ZCCHC7: variants seen among roughly 807,000 people sequenced by gnomAD.
ZCCHC7 encodes the protein zinc finger CCHC domain-containing protein 7.
Under a neutral mutation model 52.0 loss-of-function variants are expected in ZCCHC7, and 35 were observed. That is an observed-to-expected ratio of 0.67 (90% CI 0.51 to 0.89). ZCCHC7 has a LOEUF of 0.89. Among genes scored for constraint, ZCCHC7 ranks in the 40% least tolerant of loss-of-function variants. The pLI, the probability that ZCCHC7 is intolerant of heterozygous loss-of-function variation, is 0.00. For missense variants in ZCCHC7, 574 were observed against 649.1 expected (o/e 0.88, Z 1.26); for synonymous variants, 217 against 221.5 (o/e 0.98, Z 0.18).
Position 37,126,704 on chromosome 9 carries a change from A to T in ZCCHC7, c.372A>T (p.Gln124His). ...CCCATGGTCTTTCTTCTTCTCTTCA[A>T]TCTAATGAGCTGGTTGATAAGAAAT... The part of the protein sequence containing the change: ...ENAHGLSSSL[Q>H]SNELVDKKCK... Residue 124 changes from glutamine to histidine, a missense_variant, in exon 2 of 9, where the codon CAA becomes CAT. Gln to His is a conservative substitution (Grantham distance 24). Around this residue, in one of 3 missense-constraint regions of ZCCHC7, gnomAD observed 403 missense variants for 461.2 expected, o/e 0.87. Transcript: ENST00000336755. The T allele has an allele frequency of 1.2e-6, 2 of 1,614,144 alleles. No homozygotes were observed. Among genetic ancestry groups the T allele is most frequent in the Non-Finnish European group, 8.5e-7 (1 of 1,180,010 alleles).
intron 2 of ZCCHC7, among the ~76,000 whole-genome samples, chr9:37,275,532 A>G (rs1169010322): frequency 6.6e-6 from 1 of 152,096 alleles, no homozygotes; most frequent in African/African-American, 2.4e-5. Flanking sequence ...TGTTTCTCTT[A>G]ATATGCATGT....
At chr9:37,205,709 G>T (rs972790171) in intron 2 of ZCCHC7, among the ~76,000 whole-genome samples, 1 of 152,092 alleles carries the variant, frequency 6.6e-6, no homozygotes, top group African/African-American at 2.4e-5. Context: ...GTAGAGATGG[G>T]GTTTCACCAT....
intron 2 of ZCCHC7, among the ~76,000 whole-genome samples, chr9:37,228,961 G>A (rs187501649): frequency 8.8e-4 from 132 of 150,738 alleles, no homozygotes; most frequent in Admixed American, 8.1e-3. Flanking sequence ...TCAGCCTCTC[G>A]AGTAGCTGGG....
intron 5 of ZCCHC7, among the ~76,000 whole-genome samples, chr9:37,308,237 G>A (rs1355638309): frequency 1.3e-5 from 2 of 152,082 alleles, no homozygotes; most frequent in Non-Finnish European, 2.9e-5. Flanking sequence ...TCTTAAAAAT[G>A]ATAAATCCTG....
intron 5 of ZCCHC7, among the ~76,000 whole-genome samples, chr9:37,314,872 A>G (rs1435809364): frequency 6.6e-6 from 1 of 152,136 alleles, no homozygotes; most frequent in Non-Finnish European, 1.5e-5. Flanking sequence ...TAACCTCTAA[A>G]ACTATTCAAA....
intron 2 of ZCCHC7, among the ~76,000 whole-genome samples, chr9:37,219,884 G>A (rs1199849956): frequency 6.6e-6 from 1 of 152,056 alleles, no homozygotes; most frequent in African/African-American, 2.4e-5. Context: ...TGAAGACTAG[G>A]CAGAATTTGA....
At chr9:37,242,867 A>G (rs148995262) in intron 2 of ZCCHC7, among the ~76,000 whole-genome samples, 34 of 151,982 alleles carry the variant, frequency 2.2e-4, no homozygotes, top group Admixed American at 7.9e-4. Context: ...TCAGGAAGCA[A>G]TTCTTTGTAT....
At chr9:37,137,038 TA>T (rs1438603196) in intron 2 of ZCCHC7, among the ~76,000 whole-genome samples, 1 of 152,204 alleles carries the variant, frequency 6.6e-6, no homozygotes, top group Non-Finnish European at 1.5e-5. Context: ...TCTGAAATCT[TA>T]AAATCTTTCC....
chr9:37,199,327 C>CTTTT (rs57881366), intron 2 of ZCCHC7, among the ~76,000 whole-genome samples: 227 of 129,650 alleles, frequency 1.8e-3, no homozygotes, highest in Middle Eastern at 7.8e-3. Flanking sequence ...TTTCTTTCTT[C>CTTTT]TTTTTTTTTT....
intron 2 of ZCCHC7, among the ~76,000 whole-genome samples, chr9:37,200,333 T>G (rs1246631657): frequency 1.3e-5 from 2 of 152,224 alleles, no homozygotes; most frequent in African/African-American, 4.8e-5. Flanking sequence ...GGCCTCATTT[T>G]GTGCTTAATT....
At chr9:37,287,062 C>T (rs984655875) in intron 2 of ZCCHC7, among the ~76,000 whole-genome samples, 7 of 113,678 alleles carry the variant, frequency 6.2e-5, no homozygotes, top group Admixed American at 3.0e-4. Flanking sequence ...CAGAGCCTCT[C>T]TCTTTCATCC....
chr9:37,282,631 A>G (rs967362641), intron 2 of ZCCHC7, among the ~76,000 whole-genome samples: 5 of 150,246 alleles, frequency 3.3e-5, no homozygotes, highest in African/African-American at 1.2e-4. Flanking sequence ...AAAAAAGTTT[A>G]AACAAGACAG....
At chr9:37,167,978 A>G (rs1461644569) in intron 2 of ZCCHC7, among the ~76,000 whole-genome samples, 1 of 152,200 alleles carries the variant, frequency 6.6e-6, no homozygotes, top group Non-Finnish European at 1.5e-5. Context: ...ATATTCAGAA[A>G]TATTCTCCTT....
chr9:37,339,210 T>A (rs1210101631), intron 6 of ZCCHC7, among the ~76,000 whole-genome samples: 2 of 152,194 alleles, frequency 1.3e-5, no homozygotes, highest in Non-Finnish European at 1.5e-5. Flanking sequence ...TTAAAATAAT[T>A]CTAAAGCCAT....
At chr9:37,163,385 C>CAAAAAA (rs1022187626) in intron 2 of ZCCHC7, among the ~76,000 whole-genome samples, 3 of 77,088 alleles carry the variant, frequency 3.9e-5, no homozygotes, top group Non-Finnish European at 7.8e-5. Context: ...GACTCCATCT[C>CAAAAAA]AAAAAAAAAA....
At chr9:37,349,111 C>CT (rs1349061981) in intron 6 of ZCCHC7, among the ~76,000 whole-genome samples, 1 of 152,144 alleles carries the variant, frequency 6.6e-6, no homozygotes, top group Non-Finnish European at 1.5e-5. Flanking sequence ...GAACACAGTA[C>CT]TTGGCACAAT....
intron 2 of ZCCHC7, among the ~76,000 whole-genome samples, chr9:37,233,491 A>G (rs1452392701): frequency 2.0e-5 from 3 of 152,210 alleles, no homozygotes; most frequent in Non-Finnish European, 4.4e-5. Flanking sequence ...AATTTTCTTA[A>G]TTGCATACCA....
chr9:37,343,086 G>C (rs999520359), intron 6 of ZCCHC7, among the ~76,000 whole-genome samples: 1 of 152,222 alleles, frequency 6.6e-6, no homozygotes, highest in Non-Finnish European at 1.5e-5. Context: ...TACTGTCTCT[G>C]TGAACACGAG....
intron 2 of ZCCHC7, among the ~76,000 whole-genome samples, chr9:37,249,456 C>CTTTTT (rs60166399): frequency 0.31 from 34,670 of 110,512 alleles, 6,004 homozygotes; most frequent in African/African-American, 0.36. Flanking sequence ...CTTCTTCTTC[C>CTTTTT]TTTTTTTTTT....
Sources: gnomAD v4.1 joint callset for allele counts (sites outside exome capture counted in the v4.1 genomes callset) on GRCh38, gnomAD v4.1.1 for gene constraint, gnomAD v4.1.1 regional missense constraint, MANE v1.5 for transcripts, NCBI Gene and HGNC (gene_info 2026-07-23, HGNC 2026-07-21) for gene names.